The following CTNNA1 variants were observed in gnomAD, a reference collection of about 807,000 sequenced individuals.
The protein encoded by CTNNA1 is catenin alpha 1.
Under a neutral mutation model 98.4 loss-of-function variants are expected in CTNNA1, and 37 were observed. That is an observed-to-expected ratio of 0.38 (90% confidence interval 0.29 to 0.49). The LOEUF (loss-of-function observed/expected upper bound fraction) is 0.49, where lower values mean the gene tolerates loss of function less well. Ranked by LOEUF, CTNNA1 falls within the 20% of genes least tolerant of loss-of-function variation. CTNNA1 has a pLI of 0.95. For missense variants in CTNNA1, 761 were observed against 1,147.2 expected, an observed-to-expected ratio of 0.66 and a Z score of 4.86; for synonymous variants, 404 against 413.2, an observed-to-expected ratio of 0.98 and a Z score of 0.27.
At chr5:138,790,621 T>A (rs1255006653) in intron 3 of CTNNA1, among the ~76,000 whole-genome samples, 1 of 152,242 alleles carries the variant, frequency 6.6e-6, no homozygotes, top group East Asian at 1.9e-4. Flanking sequence ...ACATGGCTCA[T>A]TGGGCTGGAG....
At chr5:138,775,928 G>A (rs1354802091) in intron 1 of CTNNA1, among the ~76,000 whole-genome samples, 6 of 150,578 alleles carry the variant, frequency 4.0e-5, no homozygotes, top group South Asian at 4.2e-4. Context: ...GGGTTTCACC[G>A]TGTTAGGCAG....
chr5:138,909,363 CTT>C (rs1160009869), intron 10 of CTNNA1, among the ~76,000 whole-genome samples: 1 of 144,572 alleles, frequency 6.9e-6, no homozygotes. Context: ...CCCCCCCACC[CTT>C]TTTTTTTTTA....
intron 3 of CTNNA1, among the ~76,000 whole-genome samples, chr5:138,805,859 G>GGT (rs1186613092): frequency 6.8e-6 from 1 of 146,822 alleles, no homozygotes; most frequent in Non-Finnish European, 1.5e-5. Flanking sequence ...TTACTTTCTT[G>GGT]GTAGTGTTCT....
intron 7 of CTNNA1, among the ~76,000 whole-genome samples, chr5:138,858,722 A>G (rs928128805): frequency 6.6e-6 from 1 of 151,068 alleles, no homozygotes; most frequent in Non-Finnish European, 1.5e-5. Context: ...CAGCCTCCCA[A>G]GTAGCTGGGA....
intron 1 of CTNNA1, among the ~76,000 whole-genome samples, chr5:138,757,634 A>G (rs897062588): frequency 3.9e-5 from 6 of 152,174 alleles, no homozygotes; most frequent in African/African-American, 1.4e-4. Context: ...TGGGTGGTGC[A>G]TTACATTATG....
chr5:138,905,049 G>A (rs182782533), intron 10 of CTNNA1, among the ~76,000 whole-genome samples: 1,509 of 142,036 alleles, frequency 0.011, 23 homozygotes, highest in African/African-American at 0.038. Context: ...AGCTGAGATC[G>A]CACCACTACA....
intron 1 of CTNNA1, among the ~76,000 whole-genome samples, chr5:138,777,919 G>A (rs1388736473): frequency 1.1e-4 from 9 of 78,994 alleles, no homozygotes; most frequent in Non-Finnish European, 1.8e-4. Flanking sequence ...GGGAGAGGGG[G>A]AGGAGGGAGA....
At chr5:138,763,309 G>A (rs1752567579) in intron 1 of CTNNA1, among the ~76,000 whole-genome samples, 1 of 152,170 alleles carries the variant, frequency 6.6e-6, no homozygotes, top group Non-Finnish European at 1.5e-5. Flanking sequence ...TAGTGCATTT[G>A]CCCTGTGCGG....
chr5:138,899,078 C>A (rs1165728477), intron 9 of CTNNA1, among the ~76,000 whole-genome samples: 3 of 152,162 alleles, frequency 2.0e-5, no homozygotes, highest in Admixed American at 6.5e-5. Context: ...CTGTACTCTT[C>A]TGTTAACATA....
At chr5:138,897,278 C>A (rs991581882) in intron 9 of CTNNA1, among the ~76,000 whole-genome samples, 1 of 135,928 alleles carries the variant, frequency 7.4e-6, no homozygotes, top group African/African-American at 2.8e-5. Context: ...GAGCTGTTAC[C>A]TATACCTCAC....
At chr5:138,927,710 T>TAATGAATGAATGAATG (rs749302365) in intron 13 of CTNNA1, among the ~76,000 whole-genome samples, 196 of 151,056 alleles carry the variant, frequency 1.3e-3, no homozygotes, top group African/African-American at 4.7e-3. Context: ...GGCAGAGAGA[T>TAATGAATGAATGAATG]AATGAATGAA....
intron 10 of CTNNA1, chr5:138,904,716 G>A: frequency 3.2e-6 from 1 of 314,742 alleles, no homozygotes; most frequent in Non-Finnish European, 5.9e-6. Flanking sequence ...CAGCACTTTG[G>A]GATCCCAAAG....
chr5:138,884,821 A>G (rs968345771), intron 7 of CTNNA1, among the ~76,000 whole-genome samples: 3 of 152,174 alleles, frequency 2.0e-5, no homozygotes, highest in Non-Finnish European at 2.9e-5. Flanking sequence ...GTTGGTTGAC[A>G]TTCATGACCC....
rs765140260 is a variant in CTNNA1, at chr5:138,874,346, T to C, written c.1063-11866T>C. 3 of 1,614,014 alleles carry C rather than the reference T, an allele frequency of 1.9e-6. No individual in the cohort carries two copies. Among genetic ancestry groups the C allele is most frequent in the Non-Finnish European group, 2.5e-6 (3 of 1,179,902 alleles). On this transcript the variant is annotated intron_variant, in intron 7 of 17. Transcript: ENST00000302763. This position sits in a 1 kb window ranked among gnomAD's most constrained non-coding sequence, Gnocchi z 4.1. ...TTGATCTCTTTCGAGCTCTGTGATG[T>C]GATTGTGCCTCAGGGACAGGCCCAG...
At chr5:138,759,312 G>A (rs1021042052) in intron 1 of CTNNA1, among the ~76,000 whole-genome samples, 1 of 152,148 alleles carries the variant, frequency 6.6e-6, no homozygotes, top group African/African-American at 2.4e-5. Context: ...TTATGCTGAG[G>A]ATCAGCCTGA....
At chr5:138,844,232 G>T (rs1762514784) in intron 7 of CTNNA1, among the ~76,000 whole-genome samples, 1 of 152,076 alleles carries the variant, frequency 6.6e-6, no homozygotes, top group African/African-American at 2.4e-5. Flanking sequence ...CTGGACTCAA[G>T]CGATCCACCT....
intron 3 of CTNNA1, among the ~76,000 whole-genome samples, chr5:138,788,345 C>A (rs1042124184): frequency 6.6e-6 from 1 of 151,848 alleles, no homozygotes; most frequent in East Asian, 1.9e-4. Flanking sequence ...GCTTTTTTCT[C>A]GAAATTTAAA....
At chr5:138,888,724 AT>A (rs879262997) in intron 9 of CTNNA1, among the ~76,000 whole-genome samples, 387 of 140,274 alleles carry the variant, frequency 2.8e-3, no homozygotes, top group Middle Eastern at 7.3e-3. Context: ...ATTTTTTTGT[AT>A]TTTTTTTTTT....
At chr5:138,865,846 TGTATAGAA>T (rs1764702857) in intron 7 of CTNNA1, among the ~76,000 whole-genome samples, 1 of 152,236 alleles carries the variant, frequency 6.6e-6, no homozygotes, top group South Asian at 2.1e-4. Context: ...TTTCCTTGAC[TGTATAGAA>T]GTAGGTTATG....
Sources: gnomAD v4.1 joint callset for allele counts (sites outside exome capture counted in the v4.1 genomes callset) on GRCh38, gnomAD v4.1.1 for gene constraint, Gnocchi (gnomAD v3.1) non-coding constraint, MANE v1.5 for transcripts, NCBI Gene and HGNC (gene_info 2026-07-23, HGNC 2026-07-21) for gene names.